The following TMEM260 variants were observed in gnomAD, a reference collection of about 807,000 sequenced individuals.
TMEM260 encodes transmembrane protein 260.
In TMEM260, 82 loss-of-function variants were observed where a neutral mutation model predicts 88.9. The observed-to-expected ratio is 0.92, with a 90% confidence interval of 0.77 to 1.11. TMEM260 has a LOEUF of 1.11. TMEM260 is among the 50% of genes least tolerant of loss of function. The pLI is 0.00. For synonymous variants in TMEM260, 314 were observed against 309.3 expected (o/e 1.02, Z -0.16); for missense variants, 902 against 853.4 (o/e 1.06, Z -0.71).
At chr14:56,647,198 G>T in intron 15 of TMEM260, 45 bp from the exon 16 acceptor site, 2 of 1,505,268 alleles carry the variant, frequency 1.3e-6, no homozygotes, top group Non-Finnish European at 8.9e-7. Flanking sequence ...AAAAAAAAAA[G>T]TCAAAGAATA....
chr14:56,585,712 C>T (rs1456230960), intron 2 of TMEM260, 49 bp from the exon 3 acceptor site: 1 of 1,584,382 alleles, frequency 6.3e-7, no homozygotes, highest in Non-Finnish European at 8.6e-7. Flanking sequence ...CTGTGGGACT[C>T]TTCCTTTCCT....
At chr14:56,592,242 A>G (rs1885911160) in intron 3 of TMEM260, among the ~76,000 whole-genome samples, 1 of 152,204 alleles carries the variant, frequency 6.6e-6, no homozygotes, top group Non-Finnish European at 1.5e-5. Context: ...AAATTCATTA[A>G]AGATGGAAAT....
intron 15 of TMEM260, among the ~76,000 whole-genome samples, 167 bp from the exon 16 acceptor site, chr14:56,647,076 G>A (rs67589145): frequency 0.15 from 22,597 of 151,878 alleles, 2,437 homozygotes; most frequent in African/African-American, 0.29. Flanking sequence ...TGTAATAATT[G>A]CAGTAACATT....
At chr14:56,596,761 C>T (rs1217190465) in intron 3 of TMEM260, among the ~76,000 whole-genome samples, 4 of 106,038 alleles carry the variant, frequency 3.8e-5, no homozygotes, top group Non-Finnish European at 5.5e-5. Flanking sequence ...AACTCTGTCT[C>T]TGTCTCAAAA....
chr14:56,662,413 G>A, the TMEM260 span, among the ~76,000 whole-genome samples: 9 of 152,202 alleles, frequency 5.9e-5, no homozygotes, highest in South Asian at 4.1e-4. Context: ...ACAGAACTGC[G>A]GCCTTTCGCA....
At chr14:56,614,219 TAAAAA>T (rs397852138) in intron 7 of TMEM260, among the ~76,000 whole-genome samples, 1 of 111,550 alleles carries the variant, frequency 9.0e-6, no homozygotes. Context: ...TACAAAACAT[TAAAAA>T]AAAAAAAAAA....
chr14:56,658,521 C>A, the TMEM260 span, among the ~76,000 whole-genome samples: 1 of 151,984 alleles, frequency 6.6e-6, no homozygotes, highest in African/African-American at 2.4e-5. Context: ...CAGGTCTGAG[C>A]CACCGCACCC....
intron 3 of TMEM260, among the ~76,000 whole-genome samples, chr14:56,598,255 G>A (rs1476050514): frequency 6.6e-6 from 1 of 152,114 alleles, no homozygotes; most frequent in Admixed American, 6.6e-5. Context: ...AAACACAGAA[G>A]GAAGATCAAG....
At position 56,603,845 on chromosome 14, in the gene TMEM260, T is replaced by G; in HGVS notation, c.375T>G (p.Leu125=). 1 of 1,613,848 alleles carries G rather than the reference T, an allele frequency of 6.2e-7. No individual in the cohort carries two copies. ...RLSGSSAGGI[L]AAGVFSFSRL... ...CTGGCTCATCTGCTGGAGGAATCCT[T>G]GCTGCGGGGGTGTTTTCATTTTCTC... Residue 125 remains leucine, a synonymous_variant, in exon 4 of 16, where the codon CTT becomes CTG. Transcript: ENST00000261556.
At chr14:56,622,214 G>A (rs532782850) in intron 11 of TMEM260, among the ~76,000 whole-genome samples, 11 of 151,504 alleles carry the variant, frequency 7.3e-5, no homozygotes, top group South Asian at 2.1e-4. Context: ...GTGGTGGCAC[G>A]CGCCTGTAGT....
chr14:56,627,023 G>A (rs917266071), intron 12 of TMEM260, among the ~76,000 whole-genome samples: 1 of 151,884 alleles, frequency 6.6e-6, no homozygotes, highest in African/African-American at 2.4e-5. Context: ...ATTTCCCCAT[G>A]TATATTATTG....
intron 3 of TMEM260, among the ~76,000 whole-genome samples, chr14:56,592,591 AG>A (rs1223177049): frequency 6.6e-6 from 1 of 152,216 alleles, no homozygotes; most frequent in Non-Finnish European, 1.5e-5. Flanking sequence ...ATAAGCCTGA[AG>A]GGAACTTTTA....
In TMEM260 at chr14:56,633,028, A is replaced by G; in HGVS notation, c.1581A>G (p.Glu527=). The change falls in exon 13 of 16, where the codon GAA becomes GAG. Residue 527 remains glutamate (E), a synonymous_variant. Transcript: ENST00000261556. ...KETFVCIGIH[E]GDPTWKKNYS... ...CATTTGTTTGCATAGGAATTCATGA[A>G]GGCGACCCAACCTGGAAAAAGAACT... is the stretch of plus-strand genomic sequence containing the variant. 1 of 1,613,994 alleles carries G rather than the reference A, an allele frequency of 6.2e-7. No individual in the cohort carries two copies. Among genetic ancestry groups the G allele is most frequent in the East Asian group, 2.2e-5 (1 of 44,838 alleles).
At chr14:56,593,908 C>T (rs1886039957) in intron 3 of TMEM260, among the ~76,000 whole-genome samples, 1 of 150,870 alleles carries the variant, frequency 6.6e-6, no homozygotes, top group Non-Finnish European at 1.5e-5. Context: ...AGGATGGTCT[C>T]GATCTCCTGA....
Position 56,618,644 on chromosome 14 carries a change from C to T in TMEM260, c.1107C>T (p.Gly369=), listed in dbSNP as rs2139591911. The change falls in exon 10 of 16, where the codon GGC becomes GGT. Residue 369 remains glycine (G), a synonymous_variant. Transcript: ENST00000261556. The stretch of plus-strand genomic sequence containing the variant: ...ATGCAGTAGTGGCCGTCCTCGCTGG[C>T]ATTGGTTTGGCTGCAGTTGTGTCTG... ...QSNAVVAVLA[G]IGLAAVVSET... The T allele has an allele frequency of 6.2e-7, 1 of 1,614,212 alleles. No individual in the cohort carries two copies. The highest frequency in any genetic ancestry group is 8.5e-7 in the Non-Finnish European group (1 of 1,180,036).
chr14:56,633,355 C>A, intron 13 of TMEM260, 184 bp downstream of exon 13: 1 of 496,534 alleles, frequency 2.0e-6, no homozygotes, highest in South Asian at 2.6e-5. Context: ...CTCCTACTTA[C>A]AGAACAATGG....
At chr14:56,643,499 G>A (rs1889750344) in intron 15 of TMEM260, among the ~76,000 whole-genome samples, 3 of 151,992 alleles carry the variant, frequency 2.0e-5, no homozygotes, top group South Asian at 4.1e-4. Context: ...AGGTATTGAT[G>A]GGACGTATTT....
chr14:56,587,563 A>G (rs898513390), intron 3 of TMEM260, among the ~76,000 whole-genome samples: 1 of 152,030 alleles, frequency 6.6e-6, no homozygotes, highest in South Asian at 2.1e-4. Context: ...TGCATGGCTA[A>G]TGATATATTT....
intron 7 of TMEM260, chr14:56,612,846 A>G (rs147824780): frequency 6.6e-6 from 1 of 152,590 alleles, no homozygotes; most frequent in African/African-American, 2.4e-5. Flanking sequence ...AACGGTGAAT[A>G]TTAGAATACT....
Sources: gnomAD v4.1 joint callset for allele counts (sites outside exome capture counted in the v4.1 genomes callset) on GRCh38, gnomAD v4.1.1 for gene constraint, MANE v1.5 for transcripts, NCBI Gene and HGNC (gene_info 2026-07-23, HGNC 2026-07-21) for gene names.